PLCH1: variants seen among roughly 807,000 people sequenced by gnomAD.
The protein encoded by PLCH1 is phospholipase C eta 1.
Under a neutral mutation model 126.7 loss-of-function variants are expected in PLCH1, and 60 were observed. The observed-to-expected ratio is 0.47, with a 90% CI of 0.38 to 0.59. PLCH1 has a LOEUF of 0.59. PLCH1 is among the 20% of genes least tolerant of loss of function. The pLI is 0.00. For missense variants in PLCH1, 1,723 were observed against 2,040.0 expected, an observed-to-expected ratio of 0.84 and a Z score of 2.99; for synonymous variants, 719 against 734.9, an observed-to-expected ratio of 0.98 and a Z score of 0.35.
chr3:155,744,108 C>G (rs1749811536), intron 1 of PLCH1, among the ~76,000 whole-genome samples: 1 of 152,028 alleles, frequency 6.6e-6, no homozygotes, highest in South Asian at 2.1e-4. Context: ...TAGAAAAAGC[C>G]TCGGGAAGGA....
At chr3:155,743,334 C>A in intron 1 of PLCH1, 1 of 408,922 alleles carries the variant, frequency 2.4e-6, no homozygotes, top group South Asian at 1.8e-5. Flanking sequence ...GAGTTCCAGA[C>A]CAGCCTGGCC....
intron 1 of PLCH1, among the ~76,000 whole-genome samples, chr3:155,712,995 A>AC (rs947752610): frequency 2.2e-5 from 1 of 46,018 alleles, no homozygotes; most frequent in African/African-American, 2.5e-4. Flanking sequence ...TCTTGTCTTT[A>AC]AAAAAAAAAA....
chr3:155,628,380 C>T (rs1472198301), intron 2 of PLCH1, among the ~76,000 whole-genome samples: 5 of 99,986 alleles, frequency 5.0e-5, no homozygotes, highest in Non-Finnish European at 7.4e-5. Context: ...AAAAAAAATC[C>T]TTATCCTCGA....
chr3:155,596,662 C>T (rs1733026547), intron 2 of PLCH1, among the ~76,000 whole-genome samples: 1 of 151,086 alleles, frequency 6.6e-6, no homozygotes, highest in South Asian at 2.1e-4. Context: ...TGGTATGAGA[C>T]TTAAGACCAT....
intron 2 of PLCH1, among the ~76,000 whole-genome samples, chr3:155,692,459 AATGGATGG>A (rs59965316): frequency 9.2e-5 from 14 of 151,762 alleles, no homozygotes; most frequent in Admixed American, 2.0e-4. Flanking sequence ...TGAATGAATG[AATGGATGG>A]ATGGATGGAT....
chr3:155,462,124 T>C (rs1338011699), intron 21 of PLCH1, among the ~76,000 whole-genome samples: 1 of 152,240 alleles, frequency 6.6e-6, no homozygotes, highest in African/African-American at 2.4e-5. Context: ...TCCATGCCAG[T>C]AGATAAGCAA....
intron 2 of PLCH1, among the ~76,000 whole-genome samples, chr3:155,598,435 T>C (rs1336512835): frequency 6.6e-6 from 1 of 152,110 alleles, no homozygotes; most frequent in African/African-American, 2.4e-5. Flanking sequence ...GAAAAGCCTA[T>C]TAGAACTTCA....
chr3:155,557,231 G>GA (rs1369792955), intron 8 of PLCH1, among the ~76,000 whole-genome samples: 1 of 152,072 alleles, frequency 6.6e-6, no homozygotes, highest in South Asian at 2.1e-4. Context: ...AATAATTATG[G>GA]AAAAAACTTA....
At chr3:155,586,317 C>A (rs1731366305) in intron 4 of PLCH1, 123 bp from the exon 5 acceptor site, 2 of 881,622 alleles carry the variant, frequency 2.3e-6, no homozygotes, top group Non-Finnish European at 3.6e-6. Context: ...TTTGAGGAGC[C>A]CCTGCAATCC....
At chr3:155,623,726 A>T (rs1736844003) in intron 2 of PLCH1, among the ~76,000 whole-genome samples, 2 of 152,236 alleles carry the variant, frequency 1.3e-5, no homozygotes, top group Admixed American at 1.3e-4. Context: ...GATTCCCTGA[A>T]TAGACCACTA....
At chr3:155,723,953 C>CA (rs34436223) in intron 1 of PLCH1, among the ~76,000 whole-genome samples, 37,112 of 79,688 alleles carry the variant, frequency 0.47, 7,470 homozygotes, top group African/African-American at 0.56. Context: ...AACTCCATCT[C>CA]AAAAAAAAAA....
chr3:155,686,032 A>G (rs950166229), intron 2 of PLCH1, among the ~76,000 whole-genome samples: 1 of 152,206 alleles, frequency 6.6e-6, no homozygotes, highest in Admixed American at 6.5e-5. Context: ...TGAATGTTAA[A>G]TTTACTTAAG....
chr3:155,613,310 A>G (rs1396472861), intron 2 of PLCH1, among the ~76,000 whole-genome samples: 2 of 151,408 alleles, frequency 1.3e-5, no homozygotes, highest in African/African-American at 4.9e-5. Context: ...TGAAGCCAGT[A>G]TCACCCAATA....
At chr3:155,548,514 T>C (rs1385219719) in intron 10 of PLCH1, among the ~76,000 whole-genome samples, 1 of 152,208 alleles carries the variant, frequency 6.6e-6, no homozygotes, top group Non-Finnish European at 1.5e-5. Flanking sequence ...TAGTCCACAT[T>C]AAATATCCAC....
chr3:155,655,615 A>G (rs1177357801), intron 2 of PLCH1, among the ~76,000 whole-genome samples: 1 of 152,108 alleles, frequency 6.6e-6, no homozygotes, highest in Non-Finnish European at 1.5e-5. Context: ...TTCCATCCAT[A>G]ACTAGGGGGT....
chr3:155,458,144 C>A (rs1197342153), intron 21 of PLCH1, among the ~76,000 whole-genome samples: 1 of 151,894 alleles, frequency 6.6e-6, no homozygotes, highest in Admixed American at 6.6e-5. Context: ...GAGTTCAAGA[C>A]CACCCTGGCC....
At chr3:155,589,194 C>T (rs1010900522) in intron 4 of PLCH1, among the ~76,000 whole-genome samples, 14 of 152,068 alleles carry the variant, frequency 9.2e-5, no homozygotes. Context: ...GGAGGGCAAA[C>T]TTTTCTGTAA....
chr3:155,534,236 G>A (rs1290807952), intron 10 of PLCH1, among the ~76,000 whole-genome samples: 2 of 152,234 alleles, frequency 1.3e-5, no homozygotes, highest in Admixed American at 1.3e-4. Flanking sequence ...CACAGGAGTG[G>A]AGCCACCCAA....
chr3:155,585,484 T>C (rs1290827254), intron 5 of PLCH1, among the ~76,000 whole-genome samples: 3 of 152,194 alleles, frequency 2.0e-5, no homozygotes, highest in Non-Finnish European at 4.4e-5. Flanking sequence ...CAGGTAAGGA[T>C]TAAATGCAGT....
Sources: gnomAD v4.1 joint callset for allele counts (sites outside exome capture counted in the v4.1 genomes callset) on GRCh38, gnomAD v4.1.1 for gene constraint, MANE v1.5 for transcripts, NCBI Gene and HGNC (gene_info 2026-07-23, HGNC 2026-07-21) for gene names.